Variants in MGAT5 observed in about 807,000 individuals in gnomAD.
The protein encoded by MGAT5 is alpha-1,6-mannosylglycoprotein 6-beta-N-acetylglucosaminyltransferase A.
Under a neutral mutation model 94.3 loss-of-function variants are expected in MGAT5, and 30 were observed. The ratio of observed to expected loss-of-function variants is 0.32; its 90% CI spans 0.24 to 0.43. The LOEUF is 0.43. MGAT5 is among the 20% of genes least tolerant of loss of function. The probability of loss-of-function intolerance (pLI) is 1.00; values close to 1 mark genes in which losing one functional copy is unlikely to be tolerated. For missense variants in MGAT5, 691 were observed against 905.5 expected, an observed-to-expected ratio of 0.76 and a Z score of 3.04; for synonymous variants, 310 against 322.9, an observed-to-expected ratio of 0.96 and a Z score of 0.43.
intron 1 of MGAT5, among the ~76,000 whole-genome samples, chr2:134,241,385 C>T (rs60722689): frequency 0.081 from 12,322 of 152,208 alleles, 542 homozygotes; most frequent in East Asian, 0.14. Context: ...TTTTGAAGTC[C>T]AGATGTAAGA....
At chr2:134,162,467 T>C (rs984857868) in intron 1 of MGAT5, among the ~76,000 whole-genome samples, 2 of 152,226 alleles carry the variant, frequency 1.3e-5, no homozygotes, top group African/African-American at 4.8e-5. Context: ...ATGCTACTAA[T>C]TGAGCTGCTG....
intron 1 of MGAT5, among the ~76,000 whole-genome samples, chr2:134,188,007 T>C (rs1399917759): frequency 6.6e-6 from 1 of 152,240 alleles, no homozygotes; most frequent in East Asian, 1.9e-4. Flanking sequence ...TCTTCATTTA[T>C]TGCAGTGAAA....
At chr2:134,238,279 C>T (rs1405230566) in intron 1 of MGAT5, among the ~76,000 whole-genome samples, 2 of 152,176 alleles carry the variant, frequency 1.3e-5, no homozygotes, top group African/African-American at 4.8e-5. Flanking sequence ...TTAGTACATA[C>T]TTCACAGGCT....
chr2:134,123,854 T>C (rs1021563323), intron 1 of MGAT5, among the ~76,000 whole-genome samples: 1 of 152,220 alleles, frequency 6.6e-6, no homozygotes, highest in Non-Finnish European at 1.5e-5. Flanking sequence ...TTGGGACTTG[T>C]CAGTGCAGGT....
At chr2:134,345,372 T>G (rs1401987374) in intron 8 of MGAT5, among the ~76,000 whole-genome samples, 1 of 152,226 alleles carries the variant, frequency 6.6e-6, no homozygotes, top group East Asian at 1.9e-4. Context: ...TGATAAAATA[T>G]GTACAGTGTC....
At chr2:134,120,987 G>A (rs1159202624) in intron 1 of MGAT5, among the ~76,000 whole-genome samples, 1 of 152,000 alleles carries the variant, frequency 6.6e-6, no homozygotes, top group Non-Finnish European at 1.5e-5. Context: ...GCCCACACCC[G>A]CGCACACACT....
At chr2:134,124,579 T>C (rs1289533837) in intron 1 of MGAT5, among the ~76,000 whole-genome samples, 1 of 152,208 alleles carries the variant, frequency 6.6e-6, no homozygotes, top group Non-Finnish European at 1.5e-5. Context: ...CACTCTCTCT[T>C]TGTCACCTTC....
intron 2 of MGAT5, among the ~76,000 whole-genome samples, chr2:134,300,834 T>G (rs571364270): frequency 6.6e-6 from 1 of 152,320 alleles, no homozygotes; most frequent in Non-Finnish European, 1.5e-5. Context: ...GTCCTTCATC[T>G]GTGTGCTTAA....
chr2:134,205,529 G>A (rs1022691339), intron 1 of MGAT5, among the ~76,000 whole-genome samples: 1 of 152,328 alleles, frequency 6.6e-6, no homozygotes, highest in Non-Finnish European at 1.5e-5. Flanking sequence ...GATGCTGTTT[G>A]CTGAGCTGCT....
chr2:134,260,111 C>G (rs1271588469), intron 1 of MGAT5, among the ~76,000 whole-genome samples: 1 of 152,166 alleles, frequency 6.6e-6, no homozygotes, highest in Non-Finnish European at 1.5e-5. Context: ...GCCACTGTAG[C>G]TAGAACGAAG....
At chr2:134,237,322 G>A (rs913971917) in intron 1 of MGAT5, among the ~76,000 whole-genome samples, 1 of 152,164 alleles carries the variant, frequency 6.6e-6, no homozygotes, top group Non-Finnish European at 1.5e-5. Context: ...GTCATGGGAG[G>A]CAAGACACCT....
At chr2:134,171,706 G>A (rs1226564385) in intron 1 of MGAT5, among the ~76,000 whole-genome samples, 1 of 152,132 alleles carries the variant, frequency 6.6e-6, no homozygotes, top group East Asian at 1.9e-4. Flanking sequence ...TTTAAGAGGA[G>A]GAACTTAAAA....
chr2:134,137,692 C>G (rs1686473079), intron 1 of MGAT5, among the ~76,000 whole-genome samples: 1 of 151,784 alleles, frequency 6.6e-6, no homozygotes, highest in African/African-American at 2.4e-5. Flanking sequence ...ATTTTTCGTT[C>G]TTTGTTTAAA....
chr2:134,360,734 A>C (rs1406145859), intron 9 of MGAT5, among the ~76,000 whole-genome samples: 1 of 152,208 alleles, frequency 6.6e-6, no homozygotes, highest in Non-Finnish European at 1.5e-5. Flanking sequence ...AAGGGGGGAG[A>C]AAAGCAACTA....
chr2:134,183,026 G>A (rs572606014), intron 1 of MGAT5, among the ~76,000 whole-genome samples: 10 of 152,096 alleles, frequency 6.6e-5, no homozygotes, highest in African/African-American at 2.2e-4. Context: ...TCCTGACCTC[G>A]TGATCCACCC....
intron 1 of MGAT5, among the ~76,000 whole-genome samples, chr2:134,213,011 T>C (rs1478944961): frequency 2.0e-5 from 3 of 152,192 alleles, no homozygotes; most frequent in African/African-American, 4.8e-5. Flanking sequence ...CTCCTTGACA[T>C]TGAAATACTG....
At position 134,396,833 on chromosome 2, in the gene MGAT5, A is replaced by G. The variant is rs573207085; in HGVS notation, c.1381-6155A>G. On this transcript the variant is annotated intron_variant, in intron 10 of 15. Coordinates refer to ENST00000281923, the MANE Select transcript of MGAT5 (RefSeq NM_002410.5). ...CAGCCATCTGGGAACATCCAGTGAC[A>G]GTGCAGCCCAAGCAGGAAGATGGTT... Among the ~76,000 whole-genome samples the G allele has an allele frequency of 6.6e-5, 10 of 152,360 alleles. 1 individual carries two copies. The East Asian group carries it at 1.7e-3, about 26-fold the overall frequency.
intron 10 of MGAT5, among the ~76,000 whole-genome samples, chr2:134,399,334 C>A (rs1682902052): frequency 6.6e-6 from 1 of 152,192 alleles, no homozygotes; most frequent in Non-Finnish European, 1.5e-5. Flanking sequence ...TCTCCAAGCT[C>A]TAAATATCTT....
intron 11 of MGAT5, among the ~76,000 whole-genome samples, chr2:134,409,229 A>G (rs1293167349): frequency 1.3e-5 from 2 of 152,244 alleles, no homozygotes; most frequent in Non-Finnish European, 2.9e-5. Flanking sequence ...AATCCTTTCC[A>G]TGTACTATCT....
Sources: gnomAD v4.1 joint callset for allele counts (sites outside exome capture counted in the v4.1 genomes callset) on GRCh38, gnomAD v4.1.1 for gene constraint, MANE v1.5 for transcripts, NCBI Gene and HGNC (gene_info 2026-07-23, HGNC 2026-07-21) for gene names.